The following CEP89 variants were observed in gnomAD, a reference collection of about 807,000 sequenced individuals.
CEP89 encodes centrosomal protein of 89 kDa.
A neutral mutation model predicts 97.6 loss-of-function variants in CEP89; 95 were observed. That is an observed-to-expected ratio of 0.97 (90% CI 0.82 to 1.15). The LOEUF (loss-of-function observed/expected upper bound fraction) is 1.15. Among genes scored for constraint, CEP89 ranks in the 50% most tolerant of loss-of-function variants. The pLI is 0.00. For missense variants in CEP89, 869 were observed against 947.7 expected (o/e 0.92, Z 1.09); for synonymous variants, 354 against 349.1 (o/e 1.01, Z -0.16).
At chr19:32,927,007 A>C in intron 9 of CEP89, 23 bp from the exon 10 acceptor site, 1 of 1,603,836 alleles carries the variant, frequency 6.2e-7, no homozygotes, top group Non-Finnish European at 8.5e-7. Context: ...CATGTATTGA[A>C]GACAAGTTAA....
chr19:32,927,520 T>TCC, intron 9 of CEP89, among the ~76,000 whole-genome samples: 1 of 152,296 alleles, frequency 6.6e-6, no homozygotes, highest in South Asian at 2.1e-4. Flanking sequence ...TCTTCAAATT[T>TCC]CATCTATTTT....
At chr19:32,907,064 G>A (rs1969901811) in intron 14 of CEP89, among the ~76,000 whole-genome samples, 2 of 152,142 alleles carry the variant, frequency 1.3e-5, no homozygotes, top group Admixed American at 6.6e-5. Flanking sequence ...GTGGCTTAAG[G>A]AAGAAAGACC....
intron 12 of CEP89, among the ~76,000 whole-genome samples, chr19:32,919,301 T>C (rs1414310680): frequency 1.3e-5 from 2 of 152,124 alleles, no homozygotes; most frequent in Non-Finnish European, 2.9e-5. Context: ...GATCGCAAAT[T>C]CTGATTAGAA....
chr19:32,943,202 G>T (rs1371801811), intron 5 of CEP89, among the ~76,000 whole-genome samples: 3 of 152,170 alleles, frequency 2.0e-5, no homozygotes, highest in Non-Finnish European at 4.4e-5. Context: ...TCCCTGTGTT[G>T]CCCAGGCTGG....
chr19:32,923,395 T>C (rs750166111), intron 12 of CEP89, 44 bp downstream of exon 12: 2 of 931,746 alleles, frequency 2.1e-6, no homozygotes, highest in East Asian at 5.0e-5. Flanking sequence ...CCTGTTACCA[T>C]TTGTTTTAAA....
At chr19:32,943,322 A>T (rs1272320685) in intron 5 of CEP89, among the ~76,000 whole-genome samples, 1 of 152,162 alleles carries the variant, frequency 6.6e-6, no homozygotes, top group African/African-American at 2.4e-5. Flanking sequence ...TAGAAAGAAA[A>T]TTCACATGAC....
At position 32,956,314 on chromosome 19, in the gene CEP89, A is replaced by G. The variant is rs1198827298; in HGVS notation, c.306-2513T>C. Among the ~76,000 whole-genome samples the G allele has an allele frequency of 1.3e-5, 2 of 151,452 alleles. 1 individual carries two copies. The highest frequency in any genetic ancestry group is 4.2e-4 in the South Asian group (2 of 4,798). ...CGTGATCCGTCCATCTCGGCCTCCC[A>G]AAATGCTGGGATTACAGGCGTGAGC... On this transcript the variant is annotated intron_variant, in intron 3 of 18. Transcript: ENST00000305768.
Position 32,902,010 on chromosome 19 carries a change from C to CTCTCTGTGTGTGTG in CEP89, c.1566-599_1566-598insCACACACACAGAGA, listed in dbSNP as rs1207481256. Among the ~76,000 whole-genome samples, 182 of 133,804 alleles carry CTCTCTGTGTGTGTG rather than the reference C, an allele frequency of 1.4e-3. 2 individuals carry two copies. The highest frequency in any genetic ancestry group is 1.7e-3 in the African/African-American group (60 of 34,566). 87.8% of individuals were successfully genotyped at this position (133,804 alleles called of 152,430 possible). A position where few individuals can be genotyped will look rare whatever the true frequency, so the allele number is the denominator to read the frequency against. ...TCTGTCTCTCTGTCTCTCTCTCTCT[C>CTCTCTGTGTGTGTG]TGTGTGTGTGTGTGTGTGTGTGTGT... On this transcript the variant is annotated intron_variant, in intron 14 of 18. Transcript: ENST00000305768.
intron 5 of CEP89, among the ~76,000 whole-genome samples, chr19:32,947,435 A>C (rs1040305841): frequency 5.3e-5 from 8 of 150,246 alleles, no homozygotes; most frequent in Middle Eastern, 3.4e-3. Context: ...GCAAAAAAAA[A>C]CAGCACCTTG....
intron 1 of CEP89, among the ~76,000 whole-genome samples, chr19:32,968,077 C>T (rs1373604954): frequency 2.0e-5 from 3 of 152,250 alleles, no homozygotes; most frequent in East Asian, 1.9e-4. Context: ...CCCCCACCAC[C>T]GACTTGCACA....
intron 2 of CEP89, among the ~76,000 whole-genome samples, chr19:32,964,995 T>G (rs1397510661): frequency 6.6e-6 from 1 of 152,166 alleles, no homozygotes; most frequent in Non-Finnish European, 1.5e-5. Flanking sequence ...AGCCTTTTCC[T>G]CTTGGGCTCA....
In CEP89 at chr19:32,953,797, T is replaced by G. The variant is rs1481644167; in HGVS notation, c.310A>C (p.Asn104His). ...CTTCTTCCCATCTCACTCTGCCAAT[T>G]TGGCCTGTATTAGAATATTCATGGG... ...ATTSQLRPRP[N>H]WQSEMGRRSS... is the part of the protein sequence containing the mutation. The change falls in exon 4 of 19, where the codon AAT (asparagine) becomes CAT (histidine). Residue 104 changes from asparagine to histidine, a missense_variant. Physicochemically the swap from Asn to His is moderately conservative, Grantham distance 68. Transcript: ENST00000305768. 6.2e-7 allele frequency: 1 copy of G among 1,612,342 alleles called. No homozygotes were observed. Among genetic ancestry groups the G allele is most frequent in the Admixed American group, 1.7e-5 (1 of 60,006 alleles).
chr19:32,969,857 T>C (rs937283657), intron 1 of CEP89: 13 of 151,946 alleles, frequency 8.6e-5, no homozygotes. Flanking sequence ...CCCAAGAGGG[T>C]GGGGCTCCTG....
chr19:32,913,677 C>G (rs1052370168), intron 14 of CEP89, among the ~76,000 whole-genome samples: 3 of 146,154 alleles, frequency 2.1e-5, no homozygotes, highest in Non-Finnish European at 4.5e-5. Context: ...TCGCTCTTGT[C>G]CCCCAGGCTG....
At chr19:32,946,933 A>AT (rs11452132) in intron 5 of CEP89, among the ~76,000 whole-genome samples, 53,898 of 151,742 alleles carry the variant, frequency 0.36, 9,766 homozygotes, top group Admixed American at 0.47. Context: ...ATATTTATGT[A>AT]TTTTTTTTAC....
intron 14 of CEP89, among the ~76,000 whole-genome samples, chr19:32,912,202 C>CAA (rs558318035): frequency 0.069 from 6,731 of 98,202 alleles, 199 homozygotes; most frequent in South Asian, 0.18. Context: ...GACTCTGTCT[C>CAA]AAAAAAAAAA....
At chr19:32,951,107 T>C (rs8100180) in intron 4 of CEP89, among the ~76,000 whole-genome samples, 33,400 of 152,068 alleles carry the variant, frequency 0.22, 3,841 homozygotes, top group Admixed American at 0.33. Context: ...TGTGCACTTA[T>C]GATTTACTCA....
intron 2 of CEP89, among the ~76,000 whole-genome samples, chr19:32,964,386 G>T (rs982536005): frequency 1.8e-4 from 27 of 152,140 alleles, no homozygotes; most frequent in Non-Finnish European, 4.4e-5. Context: ...TGACCAGGCT[G>T]GTCTCAAACT....
rs188870272 is a variant in CEP89, at chr19:32,922,161, T to C, written c.1268+1278A>G. 4.6e-5 allele frequency among the ~76,000 whole-genome samples: 7 copies of C among 152,076 alleles called. No individual in the cohort carries two copies. In the East Asian group the frequency reaches 1.4e-3, roughly 30 times the overall value. On this transcript the variant is annotated intron_variant, in intron 12 of 18. Transcript: ENST00000305768. ...CCTGAGGAGTTCACAAAGGAGAAGATGGAGGCAGATGTGGAGGCAGACAGG... is the reference window on the plus strand; with the variant it reads ...CCTGAGGAGTTCACAAAGGAGAAGACGGAGGCAGATGTGGAGGCAGACAGG...
Sources: gnomAD v4.1 joint callset for allele counts (sites outside exome capture counted in the v4.1 genomes callset) on GRCh38, gnomAD v4.1.1 for gene constraint, MANE v1.5 for transcripts, NCBI Gene and HGNC (gene_info 2026-07-23, HGNC 2026-07-21) for gene names.